SUGCT: variants seen among roughly 807,000 people sequenced by gnomAD.
SUGCT encodes succinyl-CoA:glutarate CoA-transferase.
SUGCT carries 41 observed loss-of-function variants against 55.0 expected under a neutral mutation model. The observed-to-expected ratio is 0.74, with a 90% CI of 0.58 to 0.97. The LOEUF (loss-of-function observed/expected upper bound fraction) is 0.97, where lower values mean the gene tolerates loss of function less well. Ranked by LOEUF, SUGCT falls within the 50% of genes least tolerant of loss-of-function variation. The pLI is 0.00. For synonymous variants in SUGCT, 187 were observed against 200.4 expected (o/e 0.93, Z 0.56); for missense variants, 568 against 547.8 (o/e 1.04, Z -0.37).
intron 12 of SUGCT, among the ~76,000 whole-genome samples, chr7:40,679,132 A>G (rs939852418): frequency 6.6e-6 from 1 of 152,196 alleles, no homozygotes; most frequent in Non-Finnish European, 1.5e-5. Flanking sequence ...ATTCTCTTTT[A>G]TGTGAAGGTA....
At chr7:40,922,212 A>T in the SUGCT span, among the ~76,000 whole-genome samples, 2 of 151,926 alleles carry the variant, frequency 1.3e-5, no homozygotes, top group Admixed American at 6.6e-5. Flanking sequence ...TCTTCTAGTG[A>T]CCCCTTTTGG....
At chr7:40,289,944 A>G (rs903647331) in intron 8 of SUGCT, among the ~76,000 whole-genome samples, 3 of 152,240 alleles carry the variant, frequency 2.0e-5, no homozygotes, top group African/African-American at 7.2e-5. Context: ...AATCCAACTT[A>G]CAAGGGATGC....
intron 3 of SUGCT, among the ~76,000 whole-genome samples, chr7:40,187,320 G>T (rs925590012): frequency 6.6e-6 from 1 of 152,010 alleles, no homozygotes; most frequent in African/African-American, 2.4e-5. Flanking sequence ...AGCATTAGGA[G>T]ATATACCTAA....
chr7:40,924,607 A>G, the SUGCT span, among the ~76,000 whole-genome samples: 1 of 152,138 alleles, frequency 6.6e-6, no homozygotes, highest in Non-Finnish European at 1.5e-5. Flanking sequence ...GGCTTGGATG[A>G]TTAGCCCATC....
intron 1 of SUGCT, among the ~76,000 whole-genome samples, chr7:40,163,592 G>A (rs1242473336): frequency 7.0e-6 from 1 of 143,850 alleles, no homozygotes; most frequent in African/African-American, 2.5e-5. Flanking sequence ...GTGATAGAGC[G>A]AGACTCTGTC....
chr7:40,323,125 T>C (rs567306107), intron 9 of SUGCT, among the ~76,000 whole-genome samples: 31 of 152,032 alleles, frequency 2.0e-4, no homozygotes, highest in Non-Finnish European at 4.3e-4. Context: ...CTCTCTTCTT[T>C]TGACCCAGTC....
At chr7:40,620,096 T>C (rs1435076042) in intron 12 of SUGCT, among the ~76,000 whole-genome samples, 1 of 152,222 alleles carries the variant, frequency 6.6e-6, no homozygotes, top group East Asian at 1.9e-4. Flanking sequence ...ATATTCTCCT[T>C]TTAGAATTAA....
At chr7:40,657,332 G>T (rs899717964) in intron 12 of SUGCT, among the ~76,000 whole-genome samples, 1 of 152,110 alleles carries the variant, frequency 6.6e-6, no homozygotes, top group Non-Finnish European at 1.5e-5. Context: ...GTAGTGGTAT[G>T]TCAGTACCAT....
At chr7:40,206,690 T>C (rs1001861319) in intron 6 of SUGCT, among the ~76,000 whole-genome samples, 1 of 152,222 alleles carries the variant, frequency 6.6e-6, no homozygotes, top group African/African-American at 2.4e-5. Context: ...CTGTATTCTT[T>C]AAATCATCTT....
the SUGCT span, among the ~76,000 whole-genome samples, chr7:40,928,660 C>T: frequency 2.0e-5 from 3 of 150,246 alleles, no homozygotes; most frequent in Middle Eastern, 3.5e-3. Context: ...AGTGCAGTGG[C>T]GTGATCTCGG....
chr7:41,009,546 C>T, the SUGCT span, among the ~76,000 whole-genome samples: 3 of 151,816 alleles, frequency 2.0e-5, no homozygotes, highest in Non-Finnish European at 4.4e-5. Context: ...ATCCTTCCTT[C>T]CATCCACCAT....
chr7:40,794,387 A>G (rs1049763579), intron 13 of SUGCT, among the ~76,000 whole-genome samples: 54 of 152,148 alleles, frequency 3.5e-4, no homozygotes, highest in African/African-American at 1.3e-3. Context: ...TCTCAAGGAA[A>G]TTATTTTATC....
chr7:40,919,800 C>A, the SUGCT span, among the ~76,000 whole-genome samples: 43 of 152,132 alleles, frequency 2.8e-4, no homozygotes, highest in Admixed American at 5.2e-4. Context: ...TCCACAACTC[C>A]CAATTACCTG....
chr7:40,320,073 G>C (rs1279358416), intron 9 of SUGCT, among the ~76,000 whole-genome samples: 4 of 151,302 alleles, frequency 2.6e-5, no homozygotes, highest in Non-Finnish European at 5.9e-5. Flanking sequence ...GAAGCACTTA[G>C]CCTAAGGGAT....
At chr7:40,430,799 T>C (rs1211694915) in intron 9 of SUGCT, among the ~76,000 whole-genome samples, 1 of 152,154 alleles carries the variant, frequency 6.6e-6, no homozygotes, top group African/African-American at 2.4e-5. Flanking sequence ...CATTTTTAGT[T>C]TATTTTTTTC....
the SUGCT span, among the ~76,000 whole-genome samples, chr7:40,871,189 A>G: frequency 1.3e-5 from 2 of 152,204 alleles, no homozygotes; most frequent in Non-Finnish European, 2.9e-5. Flanking sequence ...ACACCCAGCC[A>G]CACATTTATA....
At chr7:40,517,898 G>T (rs543696697) in intron 12 of SUGCT, among the ~76,000 whole-genome samples, 2 of 152,038 alleles carry the variant, frequency 1.3e-5, no homozygotes, top group Admixed American at 1.3e-4. Flanking sequence ...AGCCACAAAA[G>T]GATGCATATT....
the SUGCT span, among the ~76,000 whole-genome samples, chr7:41,008,349 C>T: frequency 1.3e-5 from 2 of 152,192 alleles, no homozygotes; most frequent in African/African-American, 4.8e-5. Context: ...GGTCTCCACT[C>T]GGTGGAGCCT....
chr7:40,902,058 C>T, the SUGCT span, among the ~76,000 whole-genome samples: 2 of 152,132 alleles, frequency 1.3e-5, no homozygotes, highest in Non-Finnish European at 2.9e-5. Context: ...AATTCGAGCA[C>T]GTGAGCTCAC....
Sources: allele counts gnomAD v4.1 joint callset (sites outside exome capture counted in the v4.1 genomes callset), GRCh38; gene constraint gnomAD v4.1.1; transcripts MANE v1.5; gene names NCBI Gene and HGNC (gene_info 2026-07-23, HGNC 2026-07-21).